FBXO17: variants seen among roughly 807,000 people sequenced by gnomAD.
FBXO17 encodes F-box only protein 17.
In FBXO17, 43 loss-of-function variants were observed where a neutral mutation model predicts 34.1. That is an observed-to-expected ratio of 1.26 (90% CI 0.99 to 1.62). FBXO17 has a LOEUF of 1.62. FBXO17 is among the 40% of genes most tolerant of loss of function. The pLI is 0.00. For missense variants in FBXO17, 424 were observed against 386.7 expected, an observed-to-expected ratio of 1.10 and a Z score of -0.81; for synonymous variants, 169 against 166.0, an observed-to-expected ratio of 1.02 and a Z score of -0.14.
chr19:38,966,567 T>C (rs1014624009), intron 1 of FBXO17, among the ~76,000 whole-genome samples: 10 of 152,074 alleles, frequency 6.6e-5, no homozygotes, highest in Non-Finnish European at 8.8e-5. Context: ...AAGAACAGGA[T>C]ACTATAAAAG....
intron 1 of FBXO17, among the ~76,000 whole-genome samples, chr19:38,954,601 C>CA (rs1398450918): frequency 2.2e-5 from 2 of 90,220 alleles, no homozygotes; most frequent in East Asian, 7.5e-4. Flanking sequence ...TTTTTTGAGA[C>CA]AGAGTTTCAC....
chr19:38,942,777 G>T (rs941328108), intron 5 of FBXO17, 26 bp from the exon 6 acceptor site: 4 of 1,587,500 alleles, frequency 2.5e-6, no homozygotes, highest in African/African-American at 2.7e-5. Flanking sequence ...GAGTGAGAGG[G>T]TGAGGGCCTG....
At position 38,950,355 on chromosome 19, in the gene FBXO17, C is replaced by A; in HGVS notation, c.-17-19G>T. The stretch of plus-strand genomic sequence containing the variant: ...CAGAGTCCTGCAGGTCGAGAGGGGT[C>A]GGTAGGCGGGTCAGCGCAGCCAGGC... On this transcript the variant is annotated intron_variant, in intron 1 of 5. Coordinates refer to ENST00000292852, the MANE Select transcript of FBXO17 (RefSeq NM_024907.7). 1 of 1,398,692 alleles carries A rather than the reference C, an allele frequency of 7.1e-7. No individual in the cohort carries two copies. The highest frequency in any genetic ancestry group is 9.2e-7 in the Non-Finnish European group (1 of 1,084,960). 86.6% of individuals were successfully genotyped at this position (1,398,692 alleles called of 1,614,324 possible). A position where few individuals can be genotyped will look rare whatever the true frequency, so the allele number is the denominator to read the frequency against.
intron 1 of FBXO17, among the ~76,000 whole-genome samples, chr19:38,950,660 G>A (rs1975070020): frequency 6.6e-6 from 1 of 152,214 alleles, no homozygotes; most frequent in Admixed American, 6.5e-5. Context: ...TTTGTTTAAG[G>A]GGACTTTACC....
chr19:38,942,872 A>G (rs1388727239), intron 5 of FBXO17, 121 bp from the exon 6 acceptor site: 1 of 1,244,070 alleles, frequency 8.0e-7, no homozygotes. Context: ...CTGGGGACGG[A>G]GCAGTGAATA....
At chr19:38,973,586 AG>A (rs1975418561) in intron 1 of FBXO17, among the ~76,000 whole-genome samples, 2 of 152,230 alleles carry the variant, frequency 1.3e-5, no homozygotes, top group South Asian at 4.1e-4. Flanking sequence ...GAAAAAATTA[AG>A]GCAAACTTTT....
chr19:38,949,099 TA>T (rs2039553342), intron 2 of FBXO17, among the ~76,000 whole-genome samples: 1 of 152,044 alleles, frequency 6.6e-6, no homozygotes, highest in South Asian at 2.1e-4. Context: ...CTGGCTAATT[TA>T]ATTTTTTAAT....
chr19:38,950,704 G>T (rs1397538249), intron 1 of FBXO17, among the ~76,000 whole-genome samples: 2 of 152,222 alleles, frequency 1.3e-5, no homozygotes, highest in African/African-American at 2.4e-5. Context: ...ATTTTAGACC[G>T]CTGAGATAAT....
At chr19:38,946,859 C>T in intron 3 of FBXO17, 1 of 406,070 alleles carries the variant, frequency 2.5e-6, no homozygotes, top group Non-Finnish European at 4.5e-6. Context: ...ACATACTAGA[C>T]ATGTGAGCGG....
intron 1 of FBXO17, among the ~76,000 whole-genome samples, chr19:38,965,545 T>C (rs1182716897): frequency 4.6e-5 from 7 of 151,936 alleles, no homozygotes; most frequent in African/African-American, 1.7e-4. Flanking sequence ...TTGCTCTTGT[T>C]GCCCAGGCTG....
intron 1 of FBXO17, among the ~76,000 whole-genome samples, chr19:38,960,518 C>G (rs1478120040): frequency 6.9e-6 from 1 of 145,870 alleles, no homozygotes; most frequent in African/African-American, 2.7e-5. Flanking sequence ...CAAATAATAT[C>G]TTTTTTTTGA....
intron 1 of FBXO17, among the ~76,000 whole-genome samples, chr19:38,970,125 A>G (rs1361789533): frequency 2.6e-5 from 4 of 152,090 alleles, no homozygotes; most frequent in African/African-American, 4.8e-5. Flanking sequence ...TATTGCAAAT[A>G]CAAATATTAT....
Position 38,944,983 on chromosome 19 carries a change from T to G in FBXO17, c.679A>C (p.Arg227=). The G allele has an allele frequency of 1.2e-6, 2 of 1,614,162 alleles. No homozygotes were observed. The highest frequency in any genetic ancestry group is 1.7e-6 in the Non-Finnish European group (2 of 1,180,032). The part of the protein sequence containing the change: ...SPDPVLQWTE[R]GCRQVSHVFT... Reference sequence around the variant, plus strand: ...TCTGGACCCACCTGTCGGCAGCCCCTCTCAGTCCACTGAAGGACCGGGTCA... The same window carrying G: ...TCTGGACCCACCTGTCGGCAGCCCCGCTCAGTCCACTGAAGGACCGGGTCA... The change falls in exon 5 of 6, where the codon AGG becomes CGG. Residue 227 remains arginine, a synonymous_variant. Transcript: ENST00000292852.
chr19:38,968,493 A>T (rs1975349433), intron 1 of FBXO17, among the ~76,000 whole-genome samples: 1 of 151,942 alleles, frequency 6.6e-6, no homozygotes, highest in Admixed American at 6.6e-5. Flanking sequence ...CTCTAAAAAA[A>T]AAAAAAAATT....
chr19:38,944,930 T>C (rs1313109183), intron 5 of FBXO17, 39 bp downstream of exon 5: 2 of 1,611,164 alleles, frequency 1.2e-6, no homozygotes, highest in Admixed American at 3.4e-5. Flanking sequence ...TGTGTGCCTT[T>C]AGCGGGTCGG....
In FBXO17 at chr19:38,950,252, G is replaced by T. The variant is rs1463983697; in HGVS notation, c.68C>A (p.Pro23Gln). Residue 23 changes from proline (P) to glutamine (Q), a missense_variant, in exon 2 of 6, where the codon CCG (proline) becomes CAG (glutamine). Transcript: ENST00000292852. ...DPSLALDALPPELLVQVLSHV... is the reference protein window; with the variant it reads ...DPSLALDALPQELLVQVLSHV... ...GCTCAGCACCTGCACCAGCAGCTCC[G>T]GGGGCAGCGCGTCCAGGGCCAGGGA... is the stretch of plus-strand genomic sequence containing the variant. 1 of 1,512,772 alleles carries T rather than the reference G, an allele frequency of 6.6e-7. No individual in the cohort carries two copies. Among genetic ancestry groups the T allele is most frequent in the Admixed American group, 2.1e-5 (1 of 48,530 alleles). 93.7% of individuals were successfully genotyped at this position (1,512,772 alleles called of 1,614,324 possible).
intron 1 of FBXO17, among the ~76,000 whole-genome samples, chr19:38,970,631 T>C (rs1309740615): frequency 6.6e-6 from 1 of 152,176 alleles, no homozygotes; most frequent in Non-Finnish European, 1.5e-5. Flanking sequence ...CAGACCCATT[T>C]GGTGGCAGGA....
chr19:38,945,379 G>A (rs1318783096), intron 4 of FBXO17: 2 of 499,098 alleles, frequency 4.0e-6, no homozygotes, highest in Middle Eastern at 5.6e-4. Flanking sequence ...GCCTGGGGGA[G>A]GAGCCTGGGT....
At chr19:38,951,207 TA>T (rs1220962412) in intron 1 of FBXO17, among the ~76,000 whole-genome samples, 5 of 151,760 alleles carry the variant, frequency 3.3e-5, no homozygotes, top group African/African-American at 1.2e-4. Flanking sequence ...TTATTTTTAT[TA>T]TTATTACTTT....
Sources: allele counts gnomAD v4.1 joint callset (sites outside exome capture counted in the v4.1 genomes callset), GRCh38; gene constraint gnomAD v4.1.1; transcripts MANE v1.5; gene names NCBI Gene and HGNC (gene_info 2026-07-23, HGNC 2026-07-21).